Variants in LPCAT3 observed in about 807,000 individuals in gnomAD.
LPCAT3 encodes lysophospholipid acyltransferase 5.
Under a neutral mutation model 63.4 loss-of-function variants are expected in LPCAT3, and 21 were observed. The ratio of observed to expected loss-of-function variants is 0.33; its 90% CI spans 0.23 to 0.48. The LOEUF is 0.48. Ranked by LOEUF, LPCAT3 falls within the 20% of genes least tolerant of loss-of-function variation. The pLI is 0.99. For missense variants in LPCAT3, 451 were observed against 590.6 expected, an observed-to-expected ratio of 0.76 and a Z score of 2.45; for synonymous variants, 242 against 227.5, an observed-to-expected ratio of 1.06 and a Z score of -0.58.
intron 1 of LPCAT3, among the ~76,000 whole-genome samples, chr12:6,993,768 C>CT (rs1330162407): frequency 2.0e-5 from 3 of 151,946 alleles, no homozygotes; most frequent in African/African-American, 7.3e-5. Context: ...ACTCTGCATT[C>CT]TTTTTTTTAA....
intron 1 of LPCAT3, among the ~76,000 whole-genome samples, chr12:6,990,348 A>T (rs1555155332): frequency 6.6e-6 from 1 of 150,496 alleles, no homozygotes; most frequent in East Asian, 2.0e-4. Flanking sequence ...TCTCTACTAA[A>T]AATACAAAAA....
chr12:6,986,351 TTAA>T (rs1250841077), intron 1 of LPCAT3, among the ~76,000 whole-genome samples: 3,941 of 152,314 alleles, frequency 0.026, 184 homozygotes, highest in African/African-American at 0.089. Flanking sequence ...TATGATTCTC[TTAA>T]TAACATTTTC....
At chr12:6,984,003 G>A (rs1417672971) in intron 1 of LPCAT3, among the ~76,000 whole-genome samples, 1 of 152,102 alleles carries the variant, frequency 6.6e-6, no homozygotes, top group African/African-American at 2.4e-5. Flanking sequence ...ACAAAGATTT[G>A]AGCGTACCCA....
chr12:7,000,930 A>C (rs1946682082), intron 1 of LPCAT3, among the ~76,000 whole-genome samples: 1 of 152,006 alleles, frequency 6.6e-6, no homozygotes. Context: ...GATAGTCTCG[A>C]TCTCCTGACC....
At chr12:6,990,526 AAAATAAATAAATAAAT>A (rs59048377) in intron 1 of LPCAT3, among the ~76,000 whole-genome samples, 2,088 of 144,498 alleles carry the variant, frequency 0.014, 25 homozygotes, top group Non-Finnish European at 0.017. Context: ...AAATTAAAAT[AAAATAAATAAATAAAT>A]AAATAAATAA....
chr12:6,990,574 C>G (rs1190491050), intron 1 of LPCAT3, among the ~76,000 whole-genome samples: 2 of 146,602 alleles, frequency 1.4e-5, no homozygotes, highest in Non-Finnish European at 3.0e-5. Context: ...AATTGAGCAC[C>G]CCAAACAACT....
At chr12:6,988,669 G>T (rs1245491502) in intron 1 of LPCAT3, among the ~76,000 whole-genome samples, 1 of 152,128 alleles carries the variant, frequency 6.6e-6, no homozygotes, top group Non-Finnish European at 1.5e-5. Flanking sequence ...GAGTGGGAAG[G>T]ACTTCCACTT....
intron 1 of LPCAT3, among the ~76,000 whole-genome samples, chr12:6,995,473 CAAA>C (rs781835863): frequency 7.9e-6 from 1 of 126,540 alleles, no homozygotes; most frequent in Admixed American, 8.1e-5. Context: ...GACTCCGTCT[CAAA>C]AAAAAAAAAA....
chr12:6,983,171 A>G (rs1946487889), intron 2 of LPCAT3: 1 of 463,346 alleles, frequency 2.2e-6, no homozygotes, highest in Admixed American at 3.5e-5. Context: ...AGTTACATCC[A>G]CAGCACAGAG....
At chr12:7,011,670 A>G (rs1555157247) in intron 1 of LPCAT3, among the ~76,000 whole-genome samples, 1 of 142,732 alleles carries the variant, frequency 7.0e-6, no homozygotes, top group African/African-American at 2.8e-5. Flanking sequence ...AAAAAAAAAG[A>G]AAGAAAGAAA....
chr12:7,001,109 C>A (rs1006950975), intron 1 of LPCAT3, among the ~76,000 whole-genome samples: 5 of 152,042 alleles, frequency 3.3e-5, no homozygotes, highest in African/African-American at 1.2e-4. Context: ...CCGCTTCGAA[C>A]TGACTTAACT....
intron 1 of LPCAT3, among the ~76,000 whole-genome samples, chr12:6,992,021 G>A (rs1002742793): frequency 6.6e-5 from 10 of 151,738 alleles, no homozygotes; most frequent in Non-Finnish European, 1.2e-4. Context: ...GCGAAACCCC[G>A]TCTCTACTAA....
intron 1 of LPCAT3, among the ~76,000 whole-genome samples, chr12:6,994,234 G>C (rs1946615582): frequency 6.6e-6 from 1 of 152,110 alleles, no homozygotes; most frequent in African/African-American, 2.4e-5. Flanking sequence ...TTGGGACAGA[G>C]TCTCTCTGTG....
chr12:6,978,298 G>A lies in LPCAT3; in HGVS notation c.1040+43C>T, dbSNP rs199579835. ...CTGCCCTCCAATCTGGGAAGACAGT[G>A]GAAGGAAGGAACCAGGGTCCAGGCT... On this transcript the variant is annotated intron_variant, in intron 9 of 12. Coordinates refer to ENST00000261407, the MANE Select transcript of LPCAT3 (RefSeq NM_005768.6). 12 of 1,571,884 alleles carry A rather than the reference G, an allele frequency of 7.6e-6. No individual in the cohort carries two copies. In the East Asian group the frequency reaches 2.5e-4, roughly 32 times the overall value.
Position 6,977,481 on chromosome 12 carries a change from GGCCA to G in LPCAT3, c.1229_1232del (p.Leu410ProfsTer26). 1 of 1,614,188 alleles carries G rather than the reference GGCCA, an allele frequency of 6.2e-7. No homozygotes were observed. Among genetic ancestry groups the G allele is most frequent in the Non-Finnish European group, 8.5e-7 (1 of 1,180,034 alleles). ...AGAAGGGCTGGAGGACAGTAATGGCGGCCAGCTTGCTCAGGGTGGGGCTCTCTTG... is the reference window on the plus strand; with the variant it reads ...AGAAGGGCTGGAGGACAGTAATGGCGGCTTGCTCAGGGTGGGGCTCTCTTG... On this transcript the variant is annotated frameshift_variant, in exon 11 of 13. Coordinates refer to ENST00000261407, the MANE Select transcript of LPCAT3 (RefSeq NM_005768.6). LOFTEE classifies it high-confidence loss of function. This position sits in a 1 kb window ranked among gnomAD's most constrained non-coding sequence, Gnocchi z 4.5.
Position 7,017,089 on chromosome 12 carries a change from G to A in LPCAT3, c.151+1185C>T, listed in dbSNP as rs1180791388. On this transcript the variant is annotated intron_variant, in intron 1 of 12. Transcript: ENST00000261407. This position sits in a 1 kb window ranked among gnomAD's most constrained non-coding sequence, Gnocchi z 4.1. ...TGGATAAACGCCAAACTTCTCTCTG[G>A]CATTTAAGGCTTTCCACACCTGCCC... 1.3e-5 allele frequency among the ~76,000 whole-genome samples: 2 copies of A among 152,100 alleles called. No homozygotes were observed. Among genetic ancestry groups the A allele is most frequent in the African/African-American group, 2.4e-5 (1 of 41,404 alleles).
At chr12:6,989,341 T>C (rs1353463663) in intron 1 of LPCAT3, among the ~76,000 whole-genome samples, 1 of 137,608 alleles carries the variant, frequency 7.3e-6, no homozygotes, top group African/African-American at 2.8e-5. Flanking sequence ...TGAGACAGAG[T>C]CTCTGTCGCC....
At position 7,006,979 on chromosome 12, in the gene LPCAT3, C is replaced by T. The variant is rs781820282; in HGVS notation, c.151+11295G>A. ...AATATATAGAGATCGGAACTTTAACCTTCTGGGATCTAATATCTTCCTAAG... is the reference window on the plus strand; with the variant it reads ...AATATATAGAGATCGGAACTTTAACTTTCTGGGATCTAATATCTTCCTAAG... On this transcript the variant is annotated intron_variant, in intron 1 of 12. Transcript: ENST00000261407. Among the ~76,000 whole-genome samples, 7 of 152,252 alleles carry T rather than the reference C, an allele frequency of 4.6e-5. No homozygotes were observed. The East Asian group carries it at 1.3e-3, about 29-fold the overall frequency.
At chr12:6,986,917 G>A (rs1056856954) in intron 1 of LPCAT3, among the ~76,000 whole-genome samples, 2 of 151,468 alleles carry the variant, frequency 1.3e-5, no homozygotes, top group East Asian at 1.9e-4. Context: ...AGTTTGAGAC[G>A]AGCCTGGCCA....
Sources: gnomAD v4.1 joint callset for allele counts (sites outside exome capture counted in the v4.1 genomes callset) on GRCh38, gnomAD v4.1.1 for gene constraint, Gnocchi (gnomAD v3.1) non-coding constraint, MANE v1.5 for transcripts, NCBI Gene and HGNC (gene_info 2026-07-23, HGNC 2026-07-21) for gene names.